Variants in CPZ observed in about 807,000 individuals in gnomAD.
CPZ encodes the protein VEZT/CPZ fusion.
A neutral mutation model predicts 61.8 loss-of-function variants in CPZ; 103 were observed. The ratio of observed to expected loss-of-function variants is 1.67; its 90% confidence interval spans 1.42 to 1.96. The LOEUF is 1.96. CPZ is among the 30% of genes most tolerant of loss of function. The pLI is 0.00. For missense variants in CPZ, 1,461 were observed against 914.9 expected (o/e 1.60, Z -7.70); for synonymous variants, 551 against 373.7 (o/e 1.47, Z -5.47).
At chr4:8,595,283 G>T (rs1002216777) in intron 1 of CPZ, among the ~76,000 whole-genome samples, 1 of 152,238 alleles carries the variant, frequency 6.6e-6, no homozygotes, top group Non-Finnish European at 1.5e-5. Context: ...ACCATGGCTT[G>T]AGAGCCTTCT....
chr4:8,599,330 A>G lies in CPZ; in HGVS notation c.89-123A>G. ...GGGGCTGCTGTGAAGACTCCATGAG[A>G]TGGAGCTGGCGGAGGGTGGCCTGGG... On this transcript the variant is annotated intron_variant, in intron 1 of 10. Transcript: ENST00000360986. 7.7e-6 allele frequency: 9 copies of G among 1,172,434 alleles called. No homozygotes were observed. In the South Asian group the frequency reaches 1.2e-4, roughly 16 times the overall value. 72.6% of individuals were successfully genotyped at this position (1,172,434 alleles called of 1,614,324 possible).
chr4:8,605,182 C>T (rs1714845249), intron 4 of CPZ, among the ~76,000 whole-genome samples: 3 of 152,230 alleles, frequency 2.0e-5, no homozygotes, highest in Admixed American at 6.5e-5. Context: ...CCCTGGGCCA[C>T]ACACAGCTGG....
Position 8,612,147 on chromosome 4 carries a change from T to C in CPZ, c.1348T>C (p.Tyr450His). 6.9e-7 allele frequency: 1 copy of C among 1,450,974 alleles called. No individual in the cohort carries two copies. Among genetic ancestry groups the C allele is most frequent in the Non-Finnish European group, 9.2e-7 (1 of 1,086,496 alleles). The allele number at this position is 1,450,974 out of a possible 1,614,324, so 89.9% of individuals were successfully genotyped here. A position where few individuals can be genotyped will look rare whatever the true frequency, so the allele number is the denominator to read the frequency against. The stretch of plus-strand genomic sequence containing the variant: ...GAGCATCATCAACGGGGCGGACTGG[T>C]ACAGCTTCACGGGAGGTGCGGCTTC... The part of the protein sequence containing the change: ...RGSIINGADW[Y>H]SFTGGMSDFN... The change falls in exon 8 of 11, where the codon TAC (tyrosine) becomes CAC (histidine). Residue 450 changes from tyrosine (Y) to histidine (H), a missense_variant. By Grantham distance (83) the Tyr-to-His change is moderately conservative (BLOSUM62 2). Coordinates refer to ENST00000360986, the MANE Select transcript of CPZ (RefSeq NM_001014447.3).
At chr4:8,606,332 T>G in intron 5 of CPZ, 147 bp downstream of exon 5, 1 of 780,486 alleles carries the variant, frequency 1.3e-6, no homozygotes, top group South Asian at 1.9e-5. Context: ...GGCAAACCCC[T>G]GCTTCAGGGG....
chr4:8,608,649 C>CCTGTGTGTGT (rs1335052034), intron 7 of CPZ, among the ~76,000 whole-genome samples: 142 of 10,362 alleles, frequency 0.014, no homozygotes, highest in Non-Finnish European at 0.021. Flanking sequence ...CACGTGTGTG[C>CCTGTGTGTGT]GTGTGCATGC....
intron 7 of CPZ, 50 bp from the exon 8 acceptor site, chr4:8,611,977 G>A (rs1227685269): frequency 8.7e-6 from 14 of 1,612,254 alleles, no homozygotes; most frequent in African/African-American, 1.3e-5. Context: ...CAGCTCACAG[G>A]ACGTCCTGCA....
chr4:8,609,436 C>A (rs1182157237), intron 7 of CPZ, among the ~76,000 whole-genome samples: 1 of 140,500 alleles, frequency 7.1e-6, no homozygotes, highest in Admixed American at 6.7e-5. Context: ...CTCATTCATT[C>A]ATTGACTCTT....
intron 9 of CPZ, among the ~76,000 whole-genome samples, chr4:8,615,813 C>T (rs1018756613): frequency 1.3e-5 from 2 of 152,206 alleles, no homozygotes; most frequent in South Asian, 2.1e-4. Context: ...CAGGAACCTT[C>T]CTCCAAGTAA....
chr4:8,597,379 T>A (rs1714250588), intron 1 of CPZ: 1 of 152,164 alleles, frequency 6.6e-6, no homozygotes, highest in African/African-American at 2.4e-5. Context: ...CCTTTTTTCC[T>A]AAAGTTCAAG....
chr4:8,612,586 G>T (rs934032751), intron 8 of CPZ, among the ~76,000 whole-genome samples: 1 of 152,184 alleles, frequency 6.6e-6, no homozygotes, highest in African/African-American at 2.4e-5. Flanking sequence ...ACCCGCATGG[G>T]GTGGACTGAT....
rs149059553 is a variant in CPZ at position 8,604,029 on chromosome 4, C to T, written c.550C>T (p.Arg184Cys). ...CTCAGGGCTGCCGCCCACCTTCATC[C>T]GCTTCAGCCACCACTCCTACGCCCA... Reference protein sequence around the residue: ...LPSGLPPTFIRFSHHSYAQMV... With the variant: ...LPSGLPPTFICFSHHSYAQMV... The change falls in exon 4 of 11, where the codon CGC becomes TGC. Residue 184 changes from arginine to cysteine, a missense_variant. By Grantham distance (180) the Arg-to-Cys change is radical. Coordinates refer to ENST00000360986, the MANE Select transcript of CPZ (RefSeq NM_001014447.3). The T allele has an allele frequency of 6.6e-5, 107 of 1,612,036 alleles. No individual in the cohort carries two copies. The highest frequency in any genetic ancestry group is 7.0e-5 in the Non-Finnish European group (83 of 1,179,842).
intron 4 of CPZ, among the ~76,000 whole-genome samples, chr4:8,605,598 TCATCCATC>T (rs200204306): frequency 0.017 from 2,386 of 141,436 alleles, 66 homozygotes; most frequent in East Asian, 0.083. Flanking sequence ...CAGCCATTAT[TCATCCATC>T]CATCCATCCA....
Position 8,614,385 on chromosome 4 carries a change from A to C in CPZ, c.1390A>C (p.Thr464Pro). The C allele has an allele frequency of 6.2e-7, 1 of 1,613,770 alleles. No individual in the cohort carries two copies. The highest frequency in any genetic ancestry group is 8.5e-7 in the Non-Finnish European group (1 of 1,179,852). The stretch of plus-strand genomic sequence containing the variant: ...CATGTCCGATTTCAACTACCTGCAC[A>C]CCAACTGCTTTGAGATCACGGTAGA... Reference protein sequence around the residue: ...GGMSDFNYLHTNCFEITVELG... With the variant: ...GGMSDFNYLHPNCFEITVELG... The change falls in exon 9 of 11, where the codon ACC becomes CCC. Residue 464 changes from threonine (T) to proline (P), a missense_variant. By Grantham distance (38) the Thr-to-Pro change is conservative. Coordinates refer to ENST00000360986, the MANE Select transcript of CPZ (RefSeq NM_001014447.3).
At chr4:8,613,703 G>A (rs1245010526) in intron 8 of CPZ, among the ~76,000 whole-genome samples, 3 of 152,240 alleles carry the variant, frequency 2.0e-5, no homozygotes, top group African/African-American at 7.2e-5. Context: ...AAGAGCAGAT[G>A]GCACAGAGGG....
chr4:8,616,614 C>T (rs1055743573), intron 9 of CPZ, among the ~76,000 whole-genome samples: 1 of 152,070 alleles, frequency 6.6e-6, no homozygotes, highest in Non-Finnish European at 1.5e-5. Flanking sequence ...AAGGAATCGG[C>T]CCGGTGAGGG....
At chr4:8,609,435 T>G (rs1245752048) in intron 7 of CPZ, among the ~76,000 whole-genome samples, 1 of 140,784 alleles carries the variant, frequency 7.1e-6, no homozygotes, top group African/African-American at 3.2e-5. Context: ...ACTCATTCAT[T>G]CATTGACTCT....
chr4:8,605,347 C>CATCCATCCATCCATCCA (rs1324016687), intron 4 of CPZ, among the ~76,000 whole-genome samples: 3 of 131,704 alleles, frequency 2.3e-5, no homozygotes, highest in African/African-American at 3.7e-5. Context: ...TCCATCCATC[C>CATCCATCCATCCATCCA]ATTTATTCAT....
At chr4:8,613,164 G>A (rs565589038) in intron 8 of CPZ, among the ~76,000 whole-genome samples, 1 of 141,660 alleles carries the variant, frequency 7.1e-6, no homozygotes, top group South Asian at 2.2e-4. Flanking sequence ...ACGGAGTCTC[G>A]CTCTGTCACC....
chr4:8,601,930 G>A (rs4696859), intron 3 of CPZ: 157,921 of 159,978 alleles, frequency 0.99, 77,980 homozygotes, highest in East Asian at 1. Context: ...GGGGGGCGGG[G>A]CATTTACATC....
Sources: gnomAD v4.1 joint callset for allele counts (sites outside exome capture counted in the v4.1 genomes callset) on GRCh38, gnomAD v4.1.1 for gene constraint, MANE v1.5 for transcripts, NCBI Gene and HGNC (gene_info 2026-07-23, HGNC 2026-07-21) for gene names.